Variants in SCOC observed in about 807,000 individuals in gnomAD.
SCOC encodes the protein short coiled-coil protein.
Under a neutral mutation model 9.9 loss-of-function variants are expected in SCOC, and 7 were observed. The observed-to-expected ratio is 0.71, with a 90% CI of 0.40 to 1.33. The LOEUF (loss-of-function observed/expected upper bound fraction) is 1.33. SCOC is among the 40% of genes most tolerant of loss of function. The probability of loss-of-function intolerance (pLI) is 0.01; values close to 1 mark genes in which losing one functional copy is unlikely to be tolerated. For missense variants in SCOC, 66 were observed against 89.7 expected (o/e 0.74, Z 1.07); for synonymous variants, 19 against 28.2 (o/e 0.67, Z 1.03).
chr4:140,344,517 T>C (rs527343826), intron 2 of SCOC, among the ~76,000 whole-genome samples: 11 of 152,298 alleles, frequency 7.2e-5, no homozygotes, highest in Non-Finnish European at 1.6e-4. Context: ...CCTAAATGCT[T>C]AGATTCAAAA....
chr4:140,300,030 C>T (rs1234323930), intron 1 of SCOC, among the ~76,000 whole-genome samples: 1 of 152,082 alleles, frequency 6.6e-6, no homozygotes, highest in African/African-American at 2.4e-5. Flanking sequence ...CACATTGTTC[C>T]TTCTCATTTT....
intron 1 of SCOC, among the ~76,000 whole-genome samples, chr4:140,375,488 C>T (rs188984773): frequency 8.5e-5 from 13 of 152,302 alleles, no homozygotes; most frequent in African/African-American, 2.9e-4. Flanking sequence ...TCCAGGTAAT[C>T]TGAATCCATA....
At chr4:140,346,360 C>A (rs1254940810) in intron 2 of SCOC, among the ~76,000 whole-genome samples, 1 of 152,172 alleles carries the variant, frequency 6.6e-6, no homozygotes. Context: ...GAGGCTCTCA[C>A]ACAAGGACCA....
Position 140,314,760 on chromosome 4 carries a change from T to C in SCOC, c.-18-28861T>C, listed in dbSNP as rs6833447. 8.4e-3 allele frequency among the ~76,000 whole-genome samples: 1,278 copies of C among 152,180 alleles called. 18 individuals are homozygous for C. Among genetic ancestry groups the C allele is most frequent in the African/African-American group, 0.028 (1,177 of 41,504 alleles). ...CTAGCGAGGTGCTAAGTGGAGACAC[T>C]AGCGTGGGGAGCAATGAGAAGTTGG... On this transcript the variant is annotated intron_variant, in intron 1 of 4. Transcript: ENST00000394205.
chr4:140,373,477 T>A (rs1728151039), upstream of SCOC: 1 of 1,550,650 alleles, frequency 6.4e-7, no homozygotes, highest in Admixed American at 2.0e-5. Context: ...GTCCTTTTGT[T>A]ATGGCAAAGG....
chr4:140,272,843 C>G (rs551612524), intron 1 of SCOC, among the ~76,000 whole-genome samples: 3 of 152,298 alleles, frequency 2.0e-5, no homozygotes, highest in South Asian at 4.1e-4. Context: ...AGGCTCCGGT[C>G]TTCACTCTGC....
At chr4:140,368,601 A>G (rs1438405171) in intron 2 of SCOC, among the ~76,000 whole-genome samples, 2 of 152,240 alleles carry the variant, frequency 1.3e-5, no homozygotes, top group Admixed American at 1.3e-4. Context: ...TCACAGAAAC[A>G]GTCTCTGGTC....
intron 1 of SCOC, among the ~76,000 whole-genome samples, chr4:140,376,062 A>C (rs1050606497): frequency 6.6e-6 from 1 of 152,242 alleles, no homozygotes; most frequent in Non-Finnish European, 1.5e-5. Context: ...TGTTATAGCA[A>C]CTATAGGTAA....
At chr4:140,276,140 C>G (rs569357507) in intron 1 of SCOC, among the ~76,000 whole-genome samples, 1 of 152,122 alleles carries the variant, frequency 6.6e-6, no homozygotes, top group South Asian at 2.1e-4. Context: ...GTAGCTGGGA[C>G]TACAGGTGCC....
upstream of SCOC, among the ~76,000 whole-genome samples, chr4:140,342,161 C>T (rs1268980973): frequency 6.6e-6 from 1 of 152,180 alleles, no homozygotes; most frequent in African/African-American, 2.4e-5. Context: ...ACCTGTATCT[C>T]ATACTCTTGG....
upstream of SCOC, among the ~76,000 whole-genome samples, chr4:140,338,868 T>C (rs1726381890): frequency 6.6e-6 from 1 of 152,196 alleles, no homozygotes; most frequent in Non-Finnish European, 1.5e-5. Context: ...AAAATGGCCA[T>C]ACTGCCCAAG....
chr4:140,290,732 G>A (rs1281503129), intron 1 of SCOC, among the ~76,000 whole-genome samples: 1 of 152,186 alleles, frequency 6.6e-6, no homozygotes. Flanking sequence ...AGAATCACTT[G>A]AACCCAGGAG....
intron 2 of SCOC, chr4:140,361,120 G>A (rs1578857738): frequency 2.0e-5 from 3 of 152,172 alleles, no homozygotes; most frequent in Admixed American, 2.0e-4. Context: ...CTGACACCAT[G>A]CCAGGCAACT....
At chr4:140,370,781 A>G (rs1430191218), upstream of SCOC, among the ~76,000 whole-genome samples, 1 of 152,014 alleles carries the variant, frequency 6.6e-6, no homozygotes, top group Non-Finnish European at 1.5e-5. Flanking sequence ...GAAGGTAAAC[A>G]TTTTTTAAAA....
chr4:140,332,359 CTTTTTTTTTTTTTTTT>C (rs70943486), intron 1 of SCOC, among the ~76,000 whole-genome samples: 2 of 76,778 alleles, frequency 2.6e-5, no homozygotes, highest in African/African-American at 4.0e-5. Flanking sequence ...CTGGAGTCAT[CTTTTTTTTTTTTTTTT>C]TTTTTTTTTT....
intron 2 of SCOC, chr4:140,362,821 A>C (rs1220990098): frequency 6.6e-6 from 1 of 152,204 alleles, no homozygotes; most frequent in African/African-American, 2.4e-5. Flanking sequence ...TTAGGATACT[A>C]TATAAGGAAG....
intron 1 of SCOC, among the ~76,000 whole-genome samples, chr4:140,262,090 G>C (rs73858122): frequency 0.016 from 2,365 of 152,300 alleles, 58 homozygotes; most frequent in African/African-American, 0.053. Context: ...ATGTAACTCA[G>C]AAAATACATT....
intron 1 of SCOC, among the ~76,000 whole-genome samples, chr4:140,331,651 T>C (rs1416343931): frequency 6.6e-6 from 1 of 152,206 alleles, no homozygotes; most frequent in African/African-American, 2.4e-5. Flanking sequence ...GTCTCCTGGT[T>C]TGATTCCTCC....
rs1050501383 is a variant in SCOC at position 140,290,496 on chromosome 4, C to T, written c.-19+33086C>T. On this transcript the variant is annotated intron_variant, in intron 1 of 4. Coordinates refer to the SCOC transcript ENST00000394205. Reference sequence around the variant, plus strand: ...TAGACTACTGCTGAGCCTATGTGACCTCATGAATTGGCAGTTTCAAAAGAA... The same window carrying T: ...TAGACTACTGCTGAGCCTATGTGACTTCATGAATTGGCAGTTTCAAAAGAA... Among the ~76,000 whole-genome samples the T allele has an allele frequency of 2.0e-5, 3 of 152,234 alleles. No individual in the cohort carries two copies. In the South Asian group the frequency reaches 6.2e-4, roughly 32 times the overall value.
Sources: allele counts gnomAD v4.1 joint callset (sites outside exome capture counted in the v4.1 genomes callset), GRCh38; gene constraint gnomAD v4.1.1; transcripts MANE v1.5; gene names NCBI Gene and HGNC (gene_info 2026-07-23, HGNC 2026-07-21).